The following COL4A1 variants were observed in gnomAD, a reference collection of about 807,000 sequenced individuals.
The protein encoded by COL4A1 is collagen alpha-1(IV) chain.
Under a neutral mutation model 216.6 loss-of-function variants are expected in COL4A1, and 40 were observed. The ratio of observed to expected loss-of-function variants is 0.18; its 90% confidence interval spans 0.14 to 0.24. The LOEUF (loss-of-function observed/expected upper bound fraction) is 0.24, where lower values mean the gene tolerates loss of function less well. Among genes scored for constraint, COL4A1 ranks in the 10% least tolerant of loss-of-function variants. The pLI is 1.00. For synonymous variants in COL4A1, 839 were observed against 810.7 expected, an observed-to-expected ratio of 1.03 and a Z score of -0.59; for missense variants, 1,628 against 2,196.8, an observed-to-expected ratio of 0.74 and a Z score of 5.18.
intron 21 of COL4A1, among the ~76,000 whole-genome samples, chr13:110,195,372 A>C (rs577241683): frequency 6.6e-6 from 1 of 152,332 alleles, no homozygotes; most frequent in African/African-American, 2.4e-5. Context: ...AAGTATCTGT[A>C]GGTGCATCAG....
intron 1 of COL4A1, among the ~76,000 whole-genome samples, chr13:110,267,261 A>G (rs1883076756): frequency 2.0e-5 from 3 of 152,288 alleles, no homozygotes; most frequent in South Asian, 2.1e-4. Flanking sequence ...TGCATGACCC[A>G]GTGGAGGGAG....
chr13:110,206,535 CT>C (rs1183856756), intron 15 of COL4A1, 129 bp downstream of exon 15: 15 of 1,069,260 alleles, frequency 1.4e-5, no homozygotes, highest in Non-Finnish European at 2.2e-5. Flanking sequence ...CGGAAAAGCC[CT>C]TCGGGGCATG....
chr13:110,239,769 C>T (rs1881475616), intron 2 of COL4A1, among the ~76,000 whole-genome samples: 1 of 152,192 alleles, frequency 6.6e-6, no homozygotes, highest in Non-Finnish European at 1.5e-5. Context: ...TCCACTTCTT[C>T]TCTTGACCTG....
chr13:110,302,704 C>G (rs560480235), intron 1 of COL4A1, among the ~76,000 whole-genome samples: 63 of 152,198 alleles, frequency 4.1e-4, no homozygotes, highest in Non-Finnish European at 7.6e-4. Flanking sequence ...AAGAAATTCA[C>G]CATTAAAACA....
intron 12 of COL4A1, among the ~76,000 whole-genome samples, chr13:110,208,463 T>C: frequency 6.6e-6 from 1 of 152,186 alleles, no homozygotes; most frequent in East Asian, 1.9e-4. Context: ...CTACTCCCAA[T>C]TTCCTGGCGG....
At chr13:110,230,968 G>C (rs548607677) in intron 2 of COL4A1, among the ~76,000 whole-genome samples, 1 of 152,310 alleles carries the variant, frequency 6.6e-6, no homozygotes, top group East Asian at 1.9e-4. Context: ...TCCCAATCAG[G>C]AGGCAGAACC....
intron 1 of COL4A1, among the ~76,000 whole-genome samples, chr13:110,258,091 T>C (rs2139273513): frequency 1.3e-5 from 2 of 152,362 alleles, no homozygotes; most frequent in South Asian, 4.1e-4. Context: ...CTATGAGATT[T>C]GTAGAAATAG....
intron 1 of COL4A1, among the ~76,000 whole-genome samples, chr13:110,289,237 C>T (rs902392330): frequency 6.6e-6 from 1 of 152,160 alleles, no homozygotes; most frequent in Admixed American, 6.5e-5. Context: ...TGGCCCCGCA[C>T]CTAAGCCTGG....
At chr13:110,300,854 A>C (rs1884464533) in intron 1 of COL4A1, among the ~76,000 whole-genome samples, 1 of 152,268 alleles carries the variant, frequency 6.6e-6, no homozygotes, top group East Asian at 1.9e-4. Flanking sequence ...GTACAACAAC[A>C]GAAACACAAA....
chr13:110,174,037 C>G (rs1425713604), intron 39 of COL4A1, 39 bp from the exon 40 acceptor site: 2 of 1,606,092 alleles, frequency 1.2e-6, no homozygotes. Context: ...CGCATAACCT[C>G]TCACAGCACC....
At chr13:110,275,908 G>C (rs1193068) in intron 1 of COL4A1, among the ~76,000 whole-genome samples, 107,357 of 152,002 alleles carry the variant, frequency 0.71, 38,004 homozygotes, top group South Asian at 0.77. Flanking sequence ...TCAGAGGTAA[G>C]GGGGTAGGGA....
chr13:110,218,296 C>T (rs897735576), intron 2 of COL4A1, among the ~76,000 whole-genome samples: 2 of 152,080 alleles, frequency 1.3e-5, no homozygotes, highest in Non-Finnish European at 2.9e-5. Flanking sequence ...ATTAGGATCA[C>T]GGATCTTCAC....
chr13:110,285,562 G>T (rs1883809055), intron 1 of COL4A1, among the ~76,000 whole-genome samples: 1 of 152,204 alleles, frequency 6.6e-6, no homozygotes, highest in Non-Finnish European at 1.5e-5. Context: ...GGTATTTCTG[G>T]GTGGGTCTGT....
At chr13:110,284,066 A>C (rs1883743968) in intron 1 of COL4A1, among the ~76,000 whole-genome samples, 1 of 152,224 alleles carries the variant, frequency 6.6e-6, no homozygotes. Flanking sequence ...TCAGGCCACC[A>C]ACGGGCAGGG....
intron 1 of COL4A1, among the ~76,000 whole-genome samples, chr13:110,254,574 G>A (rs1882428293): frequency 6.6e-6 from 1 of 152,164 alleles, no homozygotes. Context: ...TTTCAAGCAT[G>A]ACGGACATGC....
intron 2 of COL4A1, among the ~76,000 whole-genome samples, chr13:110,237,568 A>G (rs1881377406): frequency 6.6e-6 from 1 of 152,188 alleles, no homozygotes; most frequent in African/African-American, 2.4e-5. Context: ...CACCAAGTGG[A>G]AAAAGCCCGG....
intron 19 of COL4A1, 72 bp downstream of exon 19, chr13:110,201,366 C>CGAGGAGGAGGAAGAGGAG: frequency 9.5e-7 from 1 of 1,047,670 alleles, no homozygotes; most frequent in Non-Finnish European, 1.4e-6. Context: ...AGGAAGAGGA[C>CGAGGAGGAGGAAGAGGAG]GAGGAGGAGG....
intron 2 of COL4A1, among the ~76,000 whole-genome samples, chr13:110,230,205 T>C (rs551909784): frequency 2.4e-4 from 36 of 152,044 alleles, no homozygotes; most frequent in African/African-American, 8.7e-4. Context: ...GTGCACGGTG[T>C]GTGTTCCATG....
intron 49 of COL4A1, among the ~76,000 whole-genome samples, chr13:110,157,489 G>A (rs545279746): frequency 1.3e-5 from 2 of 152,340 alleles, no homozygotes; most frequent in South Asian, 2.1e-4. Flanking sequence ...TTCAGTAACC[G>A]TGGAAACCTG....
Sources: gnomAD v4.1 joint callset for allele counts (sites outside exome capture counted in the v4.1 genomes callset) on GRCh38, gnomAD v4.1.1 for gene constraint, MANE v1.5 for transcripts, NCBI Gene and HGNC (gene_info 2026-07-23, HGNC 2026-07-21) for gene names.